KRI1: variants seen among roughly 807,000 people sequenced by gnomAD.
KRI1 encodes the protein KRI1 homolog.
In KRI1, 83 loss-of-function variants were observed where a neutral mutation model predicts 97.0. The observed-to-expected ratio is 0.86, with a 90% CI of 0.72 to 1.03. The LOEUF (loss-of-function observed/expected upper bound fraction) is 1.03. Ranked by LOEUF, KRI1 falls within the 50% of genes least tolerant of loss-of-function variation. The pLI, the probability that KRI1 is intolerant of heterozygous loss-of-function variation, is 0.00. For synonymous variants in KRI1, 371 were observed against 363.5 expected, an observed-to-expected ratio of 1.02 and a Z score of -0.23; for missense variants, 916 against 928.4, an observed-to-expected ratio of 0.99 and a Z score of 0.17.
In KRI1 at chr19:10,554,016, G is replaced by C; in HGVS notation, c.2047C>G (p.Arg683Gly). ...CGGCCCAGCTGGCGGAAGTGCAGCC[G>C]TTTGGGGTTGAGGCCAAAGGCCTGC... ...RLQAFGLNPK[R>G]LHFRQLGRQR... Residue 683 changes from arginine (R) to glycine (G), a missense_variant, in exon 19 of 19, where the codon CGG becomes GGG. Transcript: ENST00000312962. The C allele has an allele frequency of 1.2e-6, 2 of 1,614,034 alleles. No individual in the cohort carries two copies. Among genetic ancestry groups the C allele is most frequent in the African/African-American group, 2.7e-5 (2 of 75,058 alleles).
Position 10,562,502 on chromosome 19 carries a change from C to A in KRI1, c.383+227G>T, listed in dbSNP as rs1916731724. Among the ~76,000 whole-genome samples the A allele has an allele frequency of 4.0e-5, 6 of 151,704 alleles. No individual in the cohort carries two copies. In the South Asian group the frequency reaches 1.2e-3, roughly 32 times the overall value. ...TACAGGTACACATCATCATGCCCAG[C>A]TAATTTTTAATTTTTTTGTAGAGGC... On this transcript the variant is annotated intron_variant, in intron 4 of 18. Coordinates refer to ENST00000312962, the MANE Select transcript of KRI1 (RefSeq NM_023008.5).
In KRI1 at chr19:10,553,857, G is replaced by A; in HGVS notation, c.*94C>T. ...CAGGCGTGCCTGGCCACAGATGAGA[G>A]GATCTCTGCAGCAGATAGTACTTGT... On this transcript the variant is annotated 3_prime_UTR_variant, in exon 19 of 19. Transcript: ENST00000312962. 3 of 1,073,692 alleles carry A rather than the reference G, an allele frequency of 2.8e-6. No individual in the cohort carries two copies. The highest frequency in any genetic ancestry group is 3.9e-6 in the Non-Finnish European group (3 of 770,318). The allele number at this position is 1,073,692 out of a possible 1,614,324, so 66.5% of individuals were successfully genotyped here. A position where few individuals can be genotyped will look rare whatever the true frequency, so the allele number is the denominator to read the frequency against.
In KRI1 at chr19:10,555,326, C is replaced by T. The variant is rs1176388981; in HGVS notation, c.1641G>A (p.Glu547=). Residue 547 remains glutamate (E), a synonymous_variant, in exon 17 of 19, where the codon GAG becomes GAA. Transcript: ENST00000312962. ...TEEILAADDK[E]LNRWCSLKKT... is the part of the protein sequence containing the mutation. ...TCTTTAGGGAGCACCACCGGTTCAG[C>T]TCCTTATCGTCAGCAGCGAGGATCT... 1.2e-6 allele frequency: 2 copies of T among 1,613,148 alleles called. No homozygotes were observed. Among genetic ancestry groups the T allele is most frequent in the Non-Finnish European group, 8.5e-7 (1 of 1,179,816 alleles).
Position 10,557,547 on chromosome 19 carries a change from C to T in KRI1, c.1617+5G>A. 6.2e-7 allele frequency: 1 copy of T among 1,612,326 alleles called. No homozygotes were observed. Among genetic ancestry groups the T allele is most frequent in the Non-Finnish European group, 8.5e-7 (1 of 1,178,508 alleles). On this transcript the variant is annotated splice_donor_5th_base_variant and intron_variant, in intron 16 of 18. Coordinates refer to ENST00000312962, the MANE Select transcript of KRI1 (RefSeq NM_023008.5). ...GCAGTGTCCCTGCCTGCCCGGGGCC[C>T]CTACCTCCTCAGTGCTGAGGCCAAA...
Position 10,555,137 on chromosome 19 carries a change from G to C in KRI1, c.1731C>G (p.Ala577=). 11 of 1,608,322 alleles carry C rather than the reference G, an allele frequency of 6.8e-6. No homozygotes were observed. Among genetic ancestry groups the C allele is most frequent in the Non-Finnish European group, 9.3e-6 (11 of 1,177,706 alleles). ...CCTGCCGCTTTTTCCATGAGTTCTG[G>C]GCCTTCTGGCTGTACGCCCGCTTGT... is the stretch of plus-strand genomic sequence containing the variant. ...LRDKRAYSQK[A]QNSWKKRQVF... Residue 577 remains alanine (A), a synonymous_variant, in exon 18 of 19, where the codon GCC becomes GCG. Coordinates refer to ENST00000312962, the MANE Select transcript of KRI1 (RefSeq NM_023008.5).
intron 18 of KRI1, 93 bp from the exon 19 acceptor site, chr19:10,554,374 G>A (rs778711819): frequency 3.2e-5 from 37 of 1,157,618 alleles, no homozygotes; most frequent in Non-Finnish European, 4.5e-5. Flanking sequence ...GGGAAAGGAG[G>A]GGCATAGTGA....
At chr19:10,559,274 G>C (rs1250137541) in intron 12 of KRI1, 85 bp downstream of exon 12, 2 of 1,468,180 alleles carry the variant, frequency 1.4e-6, no homozygotes, top group Non-Finnish European at 1.9e-6. Flanking sequence ...CAAAGTGCTG[G>C]GATTACAGGC....
At chr19:10,556,637 G>A (rs927801860) in intron 16 of KRI1, among the ~76,000 whole-genome samples, 2 of 151,530 alleles carry the variant, frequency 1.3e-5, no homozygotes, top group Non-Finnish European at 1.5e-5. Flanking sequence ...ACCGCATGCC[G>A]GCCTGGGTGA....
rs1396362186 is a variant in KRI1 at position 10,565,316 on chromosome 19, CAA to C, written c.169-284_169-283del. ...ACAAGGGGCAGGTGGGCTGAGGGCA[CAA>C]GAGAGACAGCGGGGAGGGGCTGGGC... On this transcript the variant is annotated intron_variant, in intron 2 of 18. Transcript: ENST00000312962. 4 of 546,150 alleles carry C rather than the reference CAA, an allele frequency of 7.3e-6. No individual in the cohort carries two copies. In the East Asian group the frequency reaches 9.7e-5, roughly 13 times the overall value. 33.8% of individuals were successfully genotyped at this position (546,150 alleles called of 1,614,324 possible).
At position 10,553,389 on chromosome 19, in the gene KRI1, G is replaced by A. The variant is rs1035442113; in HGVS notation, c.*562C>T. 1.1e-4 allele frequency: 31 copies of A among 274,438 alleles called. No individual in the cohort carries two copies. The highest frequency in any genetic ancestry group is 2.8e-5 in the Non-Finnish European group (4 of 143,884). The allele number at this position is 274,438 out of a possible 1,614,324, so 17.0% of individuals were successfully genotyped here. ...AAGCCCCCTTGGGGGAACTGTGGCT[G>A]CTGGGGGCCAATAAAGCTGTGTAAC... On this transcript the variant is annotated 3_prime_UTR_variant, in exon 19 of 19. Coordinates refer to ENST00000312962, the MANE Select transcript of KRI1 (RefSeq NM_023008.5).
intron 12 of KRI1, among the ~76,000 whole-genome samples, chr19:10,558,645 C>T (rs1464685075): frequency 6.6e-6 from 1 of 152,054 alleles, no homozygotes; most frequent in Non-Finnish European, 1.5e-5. Flanking sequence ...CGGTTTCAAG[C>T]GATTCTCCTG....
intron 16 of KRI1, 51 bp from the exon 17 acceptor site, chr19:10,555,400 C>A (rs1916476595): frequency 6.3e-6 from 10 of 1,597,502 alleles, no homozygotes; most frequent in Non-Finnish European, 8.6e-6. Flanking sequence ...CCAGGCGGGG[C>A]CTTCCCTGAG....
At chr19:10,560,541 A>T in intron 8 of KRI1, 93 bp from the exon 9 acceptor site, 1 of 897,834 alleles carries the variant, frequency 1.1e-6, no homozygotes, top group South Asian at 1.6e-5. Flanking sequence ...CAGCCTCTGG[A>T]GTAGGTGACA....
At chr19:10,564,469 A>G (rs1208527185) in intron 3 of KRI1, among the ~76,000 whole-genome samples, 1 of 152,100 alleles carries the variant, frequency 6.6e-6, no homozygotes, top group Non-Finnish European at 1.5e-5. Flanking sequence ...TCAAAAAAAA[A>G]AAAAGAGAAA....
chr19:10,559,184 T>C (rs1916611853), intron 12 of KRI1, among the ~76,000 whole-genome samples, 175 bp downstream of exon 12: 1 of 152,042 alleles, frequency 6.6e-6, no homozygotes, highest in Non-Finnish European at 1.5e-5. Flanking sequence ...TTTGTATTTT[T>C]AGTAGAGATG....
chr19:10,554,397 G>A (rs1431387668), intron 18 of KRI1, 116 bp from the exon 19 acceptor site: 1 of 856,064 alleles, frequency 1.2e-6, no homozygotes, highest in African/African-American at 1.7e-5. Context: ...CAGCCGCACA[G>A]CGACCGAGGG....
intron 6 of KRI1, 126 bp from the exon 7 acceptor site, chr19:10,561,391 C>T: frequency 1.1e-6 from 1 of 908,352 alleles, no homozygotes; most frequent in Non-Finnish European, 1.7e-6. Context: ...AACTCCTGGG[C>T]TCAAGTGATC....
chr19:10,562,489 T>A (rs1225809997), intron 4 of KRI1, among the ~76,000 whole-genome samples: 1 of 152,004 alleles, frequency 6.6e-6, no homozygotes, highest in Non-Finnish European at 1.5e-5. Context: ...CAGGTACACA[T>A]CATCATGCCC....
intron 4 of KRI1, 28 bp downstream of exon 4, chr19:10,562,701 G>A: frequency 7.7e-7 from 1 of 1,296,220 alleles, no homozygotes; most frequent in Non-Finnish European, 1.1e-6. Context: ...TGGGAACCAG[G>A]GGGTGGGGAT....
Sources: gnomAD v4.1 joint callset for allele counts (sites outside exome capture counted in the v4.1 genomes callset) on GRCh38, gnomAD v4.1.1 for gene constraint, MANE v1.5 for transcripts, NCBI Gene and HGNC (gene_info 2026-07-23, HGNC 2026-07-21) for gene names.